Variants in PTPN4 observed in about 807,000 individuals in gnomAD.
The protein encoded by PTPN4 is protein tyrosine phosphatase non-receptor type 4, also known as tyrosine-protein phosphatase non-receptor type 4.
PTPN4 carries 49 observed loss-of-function variants against 135.5 expected under a neutral mutation model. That is an observed-to-expected ratio of 0.36 (90% CI 0.29 to 0.46). The LOEUF is 0.46. Among genes scored for constraint, PTPN4 ranks in the 20% least tolerant of loss-of-function variants. The pLI is 1.00. For missense variants in PTPN4, 860 were observed against 1,101.0 expected (o/e 0.78, Z 3.10); for synonymous variants, 333 against 369.9 (o/e 0.90, Z 1.14).
chr2:119,778,281 T>C (rs937532795), intron 1 of PTPN4, among the ~76,000 whole-genome samples: 8 of 152,178 alleles, frequency 5.3e-5, no homozygotes, highest in Admixed American at 4.6e-4. Context: ...CTTCTAATGT[T>C]TCTAGTACTT....
At chr2:119,963,914 C>T (rs771235601) in intron 24 of PTPN4, among the ~76,000 whole-genome samples, 1 of 152,056 alleles carries the variant, frequency 6.6e-6, no homozygotes, top group Non-Finnish European at 1.5e-5. Flanking sequence ...TTTTATATAC[C>T]ATAGTGGCTT....
At chr2:119,799,028 C>T (rs956293584) in intron 1 of PTPN4, among the ~76,000 whole-genome samples, 2 of 152,136 alleles carry the variant, frequency 1.3e-5, no homozygotes, top group Admixed American at 1.3e-4. Context: ...AGTAATAAAC[C>T]TTATAAAACC....
intron 2 of PTPN4, among the ~76,000 whole-genome samples, chr2:119,836,167 C>T (rs774289024): frequency 1.3e-5 from 2 of 152,064 alleles, no homozygotes; most frequent in African/African-American, 4.8e-5. Context: ...AGTGAAGATA[C>T]GCATACATGC....
intron 10 of PTPN4, among the ~76,000 whole-genome samples, 193 bp from the exon 11 acceptor site, chr2:119,914,986 C>T (rs1345927466): frequency 6.6e-6 from 1 of 151,876 alleles, no homozygotes; most frequent in East Asian, 1.9e-4. Context: ...CAAAATTTTC[C>T]TCAGTTGAAC....
intron 2 of PTPN4, among the ~76,000 whole-genome samples, chr2:119,823,493 A>G (rs1677101736): frequency 6.6e-6 from 1 of 152,158 alleles, no homozygotes; most frequent in Non-Finnish European, 1.5e-5. Context: ...TCGGCCTCCT[A>G]AAGTGCTGGG....
chr2:119,861,046 C>CA (rs58044995), intron 2 of PTPN4, among the ~76,000 whole-genome samples: 36,131 of 112,250 alleles, frequency 0.32, 4,660 homozygotes, highest in South Asian at 0.37. Context: ...AACTCCATCT[C>CA]AAAAAAAAAA....
At position 119,877,559 on chromosome 2, in the gene PTPN4, A is replaced by AT. The variant is rs1362834606; in HGVS notation, c.368+22dup. ...ATATACAAGGTGGGTTTATGGATAT[A>AT]TTTTTCTTGAAAATATTGTCAAAAC... On this transcript the variant is annotated intron_variant, in intron 5 of 26. Coordinates refer to ENST00000263708, the MANE Select transcript of PTPN4 (RefSeq NM_002830.4). 7 of 1,563,526 alleles carry AT rather than the reference A, an allele frequency of 4.5e-6. No homozygotes were observed. The highest frequency in any genetic ancestry group is 6.0e-6 in the Non-Finnish European group (7 of 1,162,254).
intron 3 of PTPN4, among the ~76,000 whole-genome samples, chr2:119,871,264 GA>G (rs1163091709): frequency 1.3e-5 from 2 of 151,300 alleles, no homozygotes; most frequent in African/African-American, 4.9e-5. Context: ...AGTGTAAAGT[GA>G]AAAAGTGTTT....
intron 9 of PTPN4, among the ~76,000 whole-genome samples, chr2:119,899,633 G>A (rs1480414394): frequency 1.3e-5 from 2 of 152,076 alleles, no homozygotes; most frequent in Admixed American, 6.5e-5. Flanking sequence ...GGAGCAGATA[G>A]GCTAATAGGA....
At chr2:119,827,107 G>A (rs529183525) in intron 2 of PTPN4, among the ~76,000 whole-genome samples, 4 of 152,140 alleles carry the variant, frequency 2.6e-5, no homozygotes, top group Non-Finnish European at 1.5e-5. Context: ...AAGTGATTTT[G>A]TTTTGTCTGT....
chr2:119,800,416 G>T (rs757774168), intron 1 of PTPN4, among the ~76,000 whole-genome samples: 2 of 148,414 alleles, frequency 1.3e-5, no homozygotes, highest in Admixed American at 1.3e-4. Flanking sequence ...ATGTTTTTTT[G>T]CCCATTTTCT....
intron 1 of PTPN4, among the ~76,000 whole-genome samples, chr2:119,775,535 GAT>G (rs1690819603): frequency 6.6e-6 from 1 of 152,194 alleles, no homozygotes; most frequent in Non-Finnish European, 1.5e-5. Flanking sequence ...ACTCCAGATT[GAT>G]TAGTCCTAAG....
chr2:119,893,407 G>T (rs972191368), intron 9 of PTPN4, among the ~76,000 whole-genome samples: 1 of 152,178 alleles, frequency 6.6e-6, no homozygotes, highest in Non-Finnish European at 1.5e-5. Flanking sequence ...CATAAGTCAA[G>T]AATTTATCTT....
At chr2:119,796,313 T>C (rs1235229895) in intron 1 of PTPN4, among the ~76,000 whole-genome samples, 1 of 152,212 alleles carries the variant, frequency 6.6e-6, no homozygotes, top group Non-Finnish European at 1.5e-5. Context: ...CTATTACTCC[T>C]GAAAGTTTTT....
intron 1 of PTPN4, among the ~76,000 whole-genome samples, chr2:119,770,539 T>C (rs1017810135): frequency 4.6e-5 from 7 of 152,208 alleles, no homozygotes; most frequent in East Asian, 1.9e-4. Context: ...GAAACACATA[T>C]AAAGATTACT....
intron 23 of PTPN4, among the ~76,000 whole-genome samples, chr2:119,962,173 G>A (rs140611104): frequency 0.015 from 2,282 of 152,136 alleles, 18 homozygotes; most frequent in Non-Finnish European, 0.023. Context: ...AAAAAATGTC[G>A]GCTGGGCGCA....
In PTPN4 at chr2:119,839,506, G is replaced by T. The variant is rs77142982; in HGVS notation, c.139-23030G>T. Among the ~76,000 whole-genome samples the T allele has an allele frequency of 5.9e-4, 90 of 152,252 alleles. 3 individuals carry two copies. In the East Asian group the frequency reaches 0.017, roughly 29 times the overall value. ...CCAAGAAATACTTAAAAATCATTTA[G>T]TTCACTTGTTAAGTATATCAGAAGT... is the stretch of plus-strand genomic sequence containing the variant. On this transcript the variant is annotated intron_variant, in intron 2 of 26. Transcript: ENST00000263708.
intron 2 of PTPN4, among the ~76,000 whole-genome samples, chr2:119,840,256 T>TCCTCCCA (rs1352273396): frequency 6.6e-6 from 1 of 152,162 alleles, no homozygotes. Context: ...ATACTCTCCT[T>TCCTCCCA]CCTCCCACCT....
intron 1 of PTPN4, among the ~76,000 whole-genome samples, chr2:119,797,544 G>A (rs1035371703): frequency 6.6e-6 from 1 of 152,182 alleles, no homozygotes; most frequent in African/African-American, 2.4e-5. Flanking sequence ...GTTTTCTGTA[G>A]ATGTCCTTTA....
Sources: gnomAD v4.1 joint callset for allele counts (sites outside exome capture counted in the v4.1 genomes callset) on GRCh38, gnomAD v4.1.1 for gene constraint, MANE v1.5 for transcripts, NCBI Gene and HGNC (gene_info 2026-07-23, HGNC 2026-07-21) for gene names.